CCDC146: variants seen among roughly 807,000 people sequenced by gnomAD.
CCDC146 encodes coiled-coil domain-containing protein 146.
In CCDC146, 92 loss-of-function variants were observed where a neutral mutation model predicts 119.3. The observed-to-expected ratio is 0.77, with a 90% CI of 0.65 to 0.92. The LOEUF (loss-of-function observed/expected upper bound fraction) is 0.92. Among genes scored for constraint, CCDC146 ranks in the 40% least tolerant of loss-of-function variants. CCDC146 has a pLI of 0.00. For synonymous variants in CCDC146, 372 were observed against 371.8 expected, an observed-to-expected ratio of 1.00 and a Z score of -0.01; for missense variants, 1,000 against 1,103.0, an observed-to-expected ratio of 0.91 and a Z score of 1.32.
chr7:77,154,518 A>G (rs1406029177), intron 1 of CCDC146, among the ~76,000 whole-genome samples: 1 of 129,592 alleles, frequency 7.7e-6, no homozygotes, highest in African/African-American at 3.0e-5. Context: ...ATGTGTTCTC[A>G]TTGTTCAATT....
intron 2 of CCDC146, among the ~76,000 whole-genome samples, chr7:77,234,691 C>T (rs536908922): frequency 2.0e-4 from 30 of 151,962 alleles, no homozygotes; most frequent in African/African-American, 6.5e-4. Flanking sequence ...GCCAAGATAG[C>T]GCCACTGTAC....
intron 2 of CCDC146, among the ~76,000 whole-genome samples, chr7:77,225,060 G>A (rs1188548212): frequency 2.0e-5 from 3 of 152,178 alleles, no homozygotes; most frequent in Non-Finnish European, 4.4e-5. Context: ...TTTGAAATGA[G>A]AGAGATGAGC....
chr7:77,191,712 T>G (rs1791766974), intron 2 of CCDC146, among the ~76,000 whole-genome samples: 2 of 151,962 alleles, frequency 1.3e-5, no homozygotes, highest in East Asian at 2.0e-4. Flanking sequence ...ATCGAGACCA[T>G]CCTGGCTAAC....
At chr7:77,210,112 C>G (rs888992599) in intron 2 of CCDC146, among the ~76,000 whole-genome samples, 1 of 152,178 alleles carries the variant, frequency 6.6e-6, no homozygotes, top group Non-Finnish European at 1.5e-5. Flanking sequence ...CTGGATTTTT[C>G]TTTTCTACCA....
intron 2 of CCDC146, among the ~76,000 whole-genome samples, chr7:77,232,943 G>C (rs1792659457): frequency 6.6e-6 from 1 of 152,170 alleles, no homozygotes. Flanking sequence ...TGGTTCAAAT[G>C]CCACAGTTTC....
chr7:77,177,166 C>T (rs1214240104), intron 2 of CCDC146, among the ~76,000 whole-genome samples: 7 of 152,100 alleles, frequency 4.6e-5, no homozygotes, highest in South Asian at 2.1e-4. Context: ...CTGAAAGTAT[C>T]GGTGATTTGC....
intron 3 of CCDC146, among the ~76,000 whole-genome samples, chr7:77,237,886 C>T (rs1562843533): frequency 6.6e-6 from 1 of 152,168 alleles, no homozygotes; most frequent in African/African-American, 2.4e-5. Flanking sequence ...TCCCCCACCT[C>T]TTGTCTCAGG....
chr7:77,228,083 G>A (rs1443041988), intron 2 of CCDC146, among the ~76,000 whole-genome samples: 1 of 152,122 alleles, frequency 6.6e-6, no homozygotes, highest in Non-Finnish European at 1.5e-5. Flanking sequence ...CCTTTTAGTG[G>A]GAAATAAGAT....
At chr7:77,292,465 A>C (rs1047568024) in intron 17 of CCDC146, among the ~76,000 whole-genome samples, 2 of 151,690 alleles carry the variant, frequency 1.3e-5, no homozygotes, top group African/African-American at 4.8e-5. Context: ...AATACAAAAA[A>C]AATTAGCCGG....
chr7:77,195,399 G>A (rs374948665), intron 2 of CCDC146: 3 of 151,970 alleles, frequency 2.0e-5, no homozygotes, highest in Non-Finnish European at 2.9e-5. Context: ...ATTTTTAAAC[G>A]GTTTAAATGA....
At position 77,280,474 on chromosome 7, in the gene CCDC146, CAG is replaced by C. The variant is rs1562860950; in HGVS notation, c.1747_1748del (p.Ser583HisfsTer25). 6.2e-7 allele frequency: 1 copy of C among 1,614,078 alleles called. No homozygotes were observed. The highest frequency in any genetic ancestry group is 1.1e-5 in the South Asian group (1 of 91,050). Reference sequence around the variant, plus strand: ...TGAAACACGCCAACAATGTTACCATCAGAGAGAGCATGCAAAACGATGTGCGC... The same window carrying C: ...TGAAACACGCCAACAATGTTACCATCAGAGAGCATGCAAAACGATGTGCGC... ...MLKHANNVTI[R>X]ESMQNDVRKI... On this transcript the variant is annotated frameshift_variant, in exon 14 of 19. Coordinates refer to ENST00000285871, the MANE Select transcript of CCDC146 (RefSeq NM_020879.3). LOFTEE classifies it high-confidence loss of function.
At chr7:77,268,823 T>G (rs373869198) in intron 9 of CCDC146, among the ~76,000 whole-genome samples, 1 of 152,228 alleles carries the variant, frequency 6.6e-6, no homozygotes, top group East Asian at 1.9e-4. Flanking sequence ...TTAGATTAAC[T>G]GCCTTCTAGC....
In CCDC146 at chr7:77,294,752, T is replaced by C. The variant is rs1794014802; in HGVS notation, c.2754T>C (p.Asp918=). The change falls in exon 19 of 19, where the codon GAT becomes GAC. Residue 918 remains aspartate (D), a synonymous_variant. Transcript: ENST00000285871. Reference sequence around the variant, plus strand: ...CGAATGCCTACATCCCAGAAGCAGATGCCACTCTTCCTTTGCCAAAACCTT... The same window carrying C: ...CGAATGCCTACATCCCAGAAGCAGACGCCACTCTTCCTTTGCCAAAACCTT... The part of the protein sequence containing the change: ...QRPNAYIPEA[D]ATLPLPKPYG... 2 of 1,614,204 alleles carry C rather than the reference T, an allele frequency of 1.2e-6. No individual in the cohort carries two copies. The highest frequency in any genetic ancestry group is 1.7e-6 in the Non-Finnish European group (2 of 1,180,030).
intron 1 of CCDC146, among the ~76,000 whole-genome samples, chr7:77,155,820 A>G (rs1791170652): frequency 1.3e-5 from 2 of 152,170 alleles, no homozygotes; most frequent in African/African-American, 4.8e-5. Flanking sequence ...GTCTGTTTCT[A>G]TGGCAGTTCT....
chr7:77,270,284 G>A (rs1015514639), intron 9 of CCDC146, among the ~76,000 whole-genome samples: 2 of 151,788 alleles, frequency 1.3e-5, no homozygotes, highest in African/African-American at 4.8e-5. Flanking sequence ...GTGACTCCTG[G>A]GGAGTAGTAC....
intron 2 of CCDC146, among the ~76,000 whole-genome samples, chr7:77,179,084 A>G (rs1791542586): frequency 1.3e-5 from 2 of 152,240 alleles, no homozygotes; most frequent in South Asian, 4.1e-4. Flanking sequence ...GCAGGAGTCA[A>G]CCCAGAAAAG....
Position 77,262,200 on chromosome 7 carries a change from G to A in CCDC146, c.1066G>A (p.Glu356Lys). 6.2e-7 allele frequency: 1 copy of A among 1,613,956 alleles called. No homozygotes were observed. Among genetic ancestry groups the A allele is most frequent in the Non-Finnish European group, 8.5e-7 (1 of 1,179,932 alleles). Reference protein sequence around the residue: ...YHDELSRKQREKERDFRNLRK... With the variant: ...YHDELSRKQRKKERDFRNLRK... ...TGATGAACTTTCTCGTAAGCAAAGAGAGAAAGAACGAGATTTTCGAAATTT... is the reference window on the plus strand; with the variant it reads ...TGATGAACTTTCTCGTAAGCAAAGAAAGAAAGAACGAGATTTTCGAAATTT... The change falls in exon 9 of 19, where the codon GAG becomes AAG. Residue 356 changes from glutamate (E) to lysine (K), a missense_variant. Glu to Lys is a moderately conservative substitution (Grantham distance 56). Transcript: ENST00000285871.
Position 77,196,142 on chromosome 7 carries a change from G to C in CCDC146, c.156+28318G>C, listed in dbSNP as rs534268977. 1.6e-6 allele frequency: 1 copy of C among 636,378 alleles called. No homozygotes were observed. Among genetic ancestry groups the C allele is most frequent in the East Asian group, 2.7e-5 (1 of 36,474 alleles). 39.4% of individuals were successfully genotyped at this position (636,378 alleles called of 1,614,324 possible). On this transcript the variant is annotated intron_variant, in intron 2 of 18. Coordinates refer to ENST00000285871, the MANE Select transcript of CCDC146 (RefSeq NM_020879.3). The surrounding 1 kb of genome is among the most constrained non-coding windows in gnomAD (Gnocchi z 4.2). Reference sequence around the variant, plus strand: ...ATTGTTTTTCAGCTTTATTTCAAATGCTGTGTAGCATAAGAACCTAGCCGT... The same window carrying C: ...ATTGTTTTTCAGCTTTATTTCAAATCCTGTGTAGCATAAGAACCTAGCCGT...
chr7:77,282,410 C>G, intron 14 of CCDC146, 147 bp from the exon 15 acceptor site: 1 of 612,370 alleles, frequency 1.6e-6, no homozygotes, highest in African/African-American at 1.9e-5. Flanking sequence ...TGTAATTTAA[C>G]TAGAAAGCCA....
Sources: gnomAD v4.1 joint callset for allele counts (sites outside exome capture counted in the v4.1 genomes callset) on GRCh38, gnomAD v4.1.1 for gene constraint, Gnocchi (gnomAD v3.1) non-coding constraint, MANE v1.5 for transcripts, NCBI Gene and HGNC (gene_info 2026-07-23, HGNC 2026-07-21) for gene names.